The following KIF13B variants were observed in gnomAD, a reference collection of about 807,000 sequenced individuals.
The protein encoded by KIF13B is kinesin family member 13B.
A neutral mutation model predicts 222.0 loss-of-function variants in KIF13B; 127 were observed. The ratio of observed to expected loss-of-function variants is 0.57; its 90% CI spans 0.50 to 0.66. The LOEUF is 0.66. KIF13B is among the 30% of genes least tolerant of loss of function. KIF13B has a pLI of 0.00. For missense variants in KIF13B, 2,173 were observed against 2,379.0 expected, an observed-to-expected ratio of 0.91 and a Z score of 1.80; for synonymous variants, 976 against 919.0, an observed-to-expected ratio of 1.06 and a Z score of -1.12.
chr8:29,140,738 AT>A, intron 19 of KIF13B, 121 bp from the exon 20 acceptor site: 1 of 911,588 alleles, frequency 1.1e-6, no homozygotes, highest in Non-Finnish European at 1.6e-6. Flanking sequence ...TAACTCTTGT[AT>A]TTTTTAGAGT....
chr8:29,193,913 G>A (rs980182031), intron 3 of KIF13B, among the ~76,000 whole-genome samples: 23 of 151,878 alleles, frequency 1.5e-4, no homozygotes, highest in African/African-American at 5.6e-4. Context: ...CACCTCCCAG[G>A]TTCACGCCAT....
At chr8:29,217,200 C>T (rs779140016) in intron 2 of KIF13B, among the ~76,000 whole-genome samples, 5 of 152,148 alleles carry the variant, frequency 3.3e-5, no homozygotes, top group Admixed American at 6.5e-5. Flanking sequence ...TGCAACTGTC[C>T]GGCCTGCCTG....
intron 38 of KIF13B, among the ~76,000 whole-genome samples, chr8:29,074,823 G>T (rs1013258107): frequency 6.6e-6 from 1 of 152,202 alleles, no homozygotes; most frequent in Non-Finnish European, 1.5e-5. Flanking sequence ...GAATGAAAGC[G>T]CAGTGGGAGA....
At chr8:29,150,934 T>C (rs1359635868) in intron 14 of KIF13B, among the ~76,000 whole-genome samples, 1 of 151,910 alleles carries the variant, frequency 6.6e-6, no homozygotes, top group Non-Finnish European at 1.5e-5. Context: ...GAGTCACACA[T>C]CTCTCAAAAG....
intron 26 of KIF13B, among the ~76,000 whole-genome samples, chr8:29,124,351 C>A (rs932844761): frequency 3.9e-5 from 6 of 152,154 alleles, no homozygotes; most frequent in African/African-American, 1.4e-4. Context: ...TATCCAGAAC[C>A]AGTTTTATTT....
At chr8:29,210,654 T>C (rs1814179508) in intron 2 of KIF13B, among the ~76,000 whole-genome samples, 1 of 152,246 alleles carries the variant, frequency 6.6e-6, no homozygotes, top group African/African-American at 2.4e-5. Flanking sequence ...TGAGACTTTT[T>C]ATTTCCATGG....
chr8:29,122,713 C>G (rs1435719018), intron 28 of KIF13B, 67 bp from the exon 29 acceptor site: 1 of 1,278,632 alleles, frequency 7.8e-7, no homozygotes, highest in Admixed American at 1.9e-5. Flanking sequence ...CGTAGGAACA[C>G]AGCCTTAATG....
intron 2 of KIF13B, among the ~76,000 whole-genome samples, chr8:29,211,043 G>T (rs1814198154): frequency 1.3e-5 from 2 of 152,210 alleles, no homozygotes; most frequent in Admixed American, 6.5e-5. Flanking sequence ...CCACGGCCTA[G>T]GAGGGGTGCA....
intron 36 of KIF13B, among the ~76,000 whole-genome samples, chr8:29,097,248 T>C (rs1290817239): frequency 1.3e-5 from 2 of 151,680 alleles, no homozygotes. Flanking sequence ...GATAGGCCAC[T>C]CTATCAGGAA....
At chr8:29,211,199 T>C (rs1563792302) in intron 2 of KIF13B, among the ~76,000 whole-genome samples, 2 of 152,264 alleles carry the variant, frequency 1.3e-5, no homozygotes, top group Non-Finnish European at 2.9e-5. Flanking sequence ...AGGGCACTTG[T>C]TTCCATGCAT....
chr8:29,222,605 T>A (rs1814810201), intron 2 of KIF13B, among the ~76,000 whole-genome samples: 1 of 144,396 alleles, frequency 6.9e-6, no homozygotes, highest in Non-Finnish European at 1.5e-5. Context: ...ATATTATTTT[T>A]AATCATCTTT....
chr8:29,250,811 A>G (rs1286907396), intron 1 of KIF13B, among the ~76,000 whole-genome samples: 2 of 152,238 alleles, frequency 1.3e-5, no homozygotes, highest in African/African-American at 4.8e-5. Context: ...TTAAAATGAA[A>G]CACATTTCGA....
rs1019585902 is a variant in KIF13B, at chr8:29,163,370, C to T, written c.1269+2292G>A. Among the ~76,000 whole-genome samples, 4 of 152,262 alleles carry T rather than the reference C, an allele frequency of 2.6e-5. No homozygotes were observed. In the East Asian group the frequency reaches 7.7e-4, roughly 29 times the overall value. On this transcript the variant is annotated intron_variant, in intron 12 of 39. Transcript: ENST00000524189. ...TAGGGCCATCCGAGGGCTTGCACCC[C>T]ACAGGAAGATGTTACAGAGCCCAGA...
rs145063845 is a variant in KIF13B at position 29,126,971 on chromosome 8, T to C, written c.3222+151A>G. On this transcript the variant is annotated intron_variant, in intron 25 of 39. Coordinates refer to ENST00000524189, the MANE Select transcript of KIF13B (RefSeq NM_015254.4). ...AATACAGTCCGATGCAGTGATTCCA[T>C]GAAAATGCAAGACACAAAAAAAGAC... The C allele has an allele frequency of 8.5e-4, 662 of 774,740 alleles. 1 individual carries two copies. The African/African-American group carries it at 0.01, about 12-fold the overall frequency. The allele number at this position is 774,740 out of a possible 1,614,324, so 48.0% of individuals were successfully genotyped here. A position where few individuals can be genotyped will look rare whatever the true frequency, so the allele number is the denominator to read the frequency against.
At position 29,127,123 on chromosome 8, in the gene KIF13B, T is replaced by G. The variant is rs1455588526; in HGVS notation, c.3221A>C (p.His1074Pro). 6 of 1,613,508 alleles carry G rather than the reference T, an allele frequency of 3.7e-6. No homozygotes were observed. The highest frequency in any genetic ancestry group is 5.1e-6 in the Non-Finnish European group (6 of 1,179,706). ...AACATAACAGGTATAGAAACTTACA[T>G]GGAAGGTCTCATGTGTTCTGGGGGC... ...LRAPRTHETF[H>P]EEEEDMDSYQ... is the part of the protein sequence containing the mutation. Residue 1074 changes from histidine to proline, a missense_variant and splice_region_variant, in exon 25 of 40, where the codon CAT becomes CCT. Coordinates refer to ENST00000524189, the MANE Select transcript of KIF13B (RefSeq NM_015254.4).
rs1299163840 is a variant in KIF13B at position 29,067,860 on chromosome 8, C to G, written c.*2644G>C. 1 of 152,852 alleles carries G rather than the reference C, an allele frequency of 6.5e-6. No homozygotes were observed. Among genetic ancestry groups the G allele is most frequent in the Non-Finnish European group, 1.5e-5 (1 of 68,440 alleles). 9.5% of individuals were successfully genotyped at this position (152,852 alleles called of 1,614,324 possible). A position where few individuals can be genotyped will look rare whatever the true frequency, so the allele number is the denominator to read the frequency against. On this transcript the variant is annotated 3_prime_UTR_variant, in exon 40 of 40. Transcript: ENST00000524189. ...TAGGCCCAGAAACATCTTCCCCCTC[C>G]TCACCTCTGCCCTCCCGCTCCCTCT...
intron 2 of KIF13B, among the ~76,000 whole-genome samples, chr8:29,241,606 G>A (rs375824246): frequency 5.3e-5 from 8 of 150,104 alleles, no homozygotes; most frequent in African/African-American, 1.5e-4. Flanking sequence ...CTGGTGGCAC[G>A]AACATGATGG....
At chr8:29,214,973 T>A (rs189368241) in intron 2 of KIF13B, among the ~76,000 whole-genome samples, 1 of 152,276 alleles carries the variant, frequency 6.6e-6, no homozygotes, top group Admixed American at 6.5e-5. Flanking sequence ...GAAGGAATAT[T>A]TACCTCTAAA....
At chr8:29,148,413 T>A (rs928881234) in intron 16 of KIF13B, among the ~76,000 whole-genome samples, 164 bp downstream of exon 16, 3 of 151,528 alleles carry the variant, frequency 2.0e-5, no homozygotes, top group Non-Finnish European at 4.4e-5. Context: ...TTTTTTTTTT[T>A]AAAGAGAGAA....
Sources: allele counts gnomAD v4.1 joint callset (sites outside exome capture counted in the v4.1 genomes callset), GRCh38; gene constraint gnomAD v4.1.1; transcripts MANE v1.5; gene names NCBI Gene and HGNC (gene_info 2026-07-23, HGNC 2026-07-21).